The following GMDS variants were observed in gnomAD, a reference collection of about 807,000 sequenced individuals.
GMDS encodes GDP-mannose 4,6 dehydratase.
Under a neutral mutation model 49.9 loss-of-function variants are expected in GMDS, and 20 were observed. The observed-to-expected ratio is 0.40, with a 90% CI of 0.28 to 0.58. The LOEUF (loss-of-function observed/expected upper bound fraction) is 0.58. GMDS is among the 20% of genes least tolerant of loss of function. The pLI, the probability that GMDS is intolerant of heterozygous loss-of-function variation, is 0.42. For missense variants in GMDS, 362 were observed against 481.4 expected (o/e 0.75, Z 2.32); for synonymous variants, 177 against 178.6 (o/e 0.99, Z 0.07).
Position 1,670,475 on chromosome 6 carries a change from C to T in GMDS, c.988-45935G>A, listed in dbSNP as rs114371446. On this transcript the variant is annotated intron_variant, in intron 9 of 10. Coordinates refer to ENST00000380815, the MANE Select transcript of GMDS (RefSeq NM_001500.4). ...ATGTGGAATTTTGTGTTTTTGAGGA[C>T]TCATGAACGGTAACTAATGCTGAGT... Among the ~76,000 whole-genome samples the T allele has an allele frequency of 4.5e-3, 680 of 150,880 alleles. 4 individuals are homozygous for T. The highest frequency in any genetic ancestry group is 0.016 in the African/African-American group (639 of 41,028).
intron 9 of GMDS, among the ~76,000 whole-genome samples, chr6:1,668,951 C>T (rs994458077): frequency 2.6e-5 from 4 of 152,200 alleles, no homozygotes; most frequent in Admixed American, 6.5e-5. Flanking sequence ...GAGACTTTTA[C>T]ACTGAACTTG....
At chr6:1,934,744 G>C (rs1257892139) in intron 6 of GMDS, among the ~76,000 whole-genome samples, 1 of 151,882 alleles carries the variant, frequency 6.6e-6, no homozygotes, top group Non-Finnish European at 1.5e-5. Flanking sequence ...GGCTTAAAAT[G>C]ATTTTTTTTT....
At chr6:1,657,509 A>AT (rs1276636086) in intron 9 of GMDS, among the ~76,000 whole-genome samples, 2 of 152,196 alleles carry the variant, frequency 1.3e-5, no homozygotes, top group African/African-American at 2.4e-5. Context: ...TTTCTGTATT[A>AT]TTTTACAGCA....
intron 9 of GMDS, among the ~76,000 whole-genome samples, chr6:1,637,515 C>T (rs1763197841): frequency 6.6e-6 from 1 of 152,254 alleles, no homozygotes; most frequent in Non-Finnish European, 1.5e-5. Flanking sequence ...TCTCTCGTGG[C>T]TATAAAGCGG....
intron 1 of GMDS, among the ~76,000 whole-genome samples, chr6:2,152,767 A>G (rs1776904599): frequency 6.6e-6 from 1 of 152,192 alleles, no homozygotes; most frequent in Non-Finnish European, 1.5e-5. Flanking sequence ...TAAATATGCA[A>G]GGATAACCTA....
chr6:1,902,701 G>A (rs1760556978), intron 7 of GMDS, among the ~76,000 whole-genome samples: 1 of 152,084 alleles, frequency 6.6e-6, no homozygotes, highest in Non-Finnish European at 1.5e-5. Flanking sequence ...AAAGGCCAGT[G>A]GACTTCTAAA....
intron 8 of GMDS, among the ~76,000 whole-genome samples, chr6:1,737,891 C>T (rs936794736): frequency 1.3e-4 from 18 of 140,612 alleles, no homozygotes; most frequent in Non-Finnish European, 2.3e-4. Context: ...ACACGCAACC[C>T]CACACACATA....
intron 1 of GMDS, among the ~76,000 whole-genome samples, chr6:2,146,983 A>T (rs1337829586): frequency 6.6e-6 from 1 of 152,208 alleles, no homozygotes; most frequent in Non-Finnish European, 1.5e-5. Context: ...AGAACGGTGC[A>T]TCCCAAGGGT....
At chr6:2,096,933 A>G (rs971817542) in intron 4 of GMDS, among the ~76,000 whole-genome samples, 6 of 152,182 alleles carry the variant, frequency 3.9e-5, no homozygotes, top group African/African-American at 1.4e-4. Flanking sequence ...TTTTATATAT[A>G]AAAATGCCCA....
At chr6:1,791,847 T>C (rs1041728353) in intron 7 of GMDS, among the ~76,000 whole-genome samples, 2 of 152,154 alleles carry the variant, frequency 1.3e-5, no homozygotes. Context: ...AAATAGCATA[T>C]ATAAGTAATA....
chr6:1,768,412 C>A (rs1467107070), intron 7 of GMDS, among the ~76,000 whole-genome samples: 1 of 152,212 alleles, frequency 6.6e-6, no homozygotes, highest in Non-Finnish European at 1.5e-5. Context: ...AAAAAGGGAT[C>A]AATATTGCCA....
chr6:2,172,671 G>A (rs1161611350), intron 1 of GMDS, among the ~76,000 whole-genome samples: 2 of 151,800 alleles, frequency 1.3e-5, no homozygotes, highest in Non-Finnish European at 2.9e-5. Context: ...CAGCCTGGGC[G>A]ACACAGTGAG....
intron 1 of GMDS, among the ~76,000 whole-genome samples, chr6:2,237,281 C>T (rs1415434526): frequency 2.0e-5 from 3 of 152,166 alleles, no homozygotes; most frequent in Non-Finnish European, 2.9e-5. Flanking sequence ...ACTAGCTTGC[C>T]AAAGACTAGG....
intron 1 of GMDS, among the ~76,000 whole-genome samples, chr6:2,228,368 T>C (rs1195401204): frequency 6.6e-6 from 1 of 152,200 alleles, no homozygotes; most frequent in East Asian, 1.9e-4. Flanking sequence ...TTTTCTTCAA[T>C]ATACACTCCA....
chr6:1,654,626 T>C (rs906446602), intron 9 of GMDS, among the ~76,000 whole-genome samples: 1 of 152,096 alleles, frequency 6.6e-6, no homozygotes, highest in Non-Finnish European at 1.5e-5. Context: ...GGGGTAGAGT[T>C]TTAGTTTTAG....
At position 1,658,153 on chromosome 6, in the gene GMDS, G is replaced by T. The variant is rs996759408; in HGVS notation, c.988-33613C>A. Among the ~76,000 whole-genome samples, 3 of 152,220 alleles carry T rather than the reference G, an allele frequency of 2.0e-5. No individual in the cohort carries two copies. In the South Asian group the frequency reaches 6.2e-4, roughly 32 times the overall value. On this transcript the variant is annotated intron_variant, in intron 9 of 10. Coordinates refer to ENST00000380815, the MANE Select transcript of GMDS (RefSeq NM_001500.4). ...TGAGGGTTATTTGCCTTCAATTTGG[G>T]TGGTCCATCGTGAGCTGCCTTTATA...
At chr6:2,245,155 C>T (rs1460462624) in intron 1 of GMDS, among the ~76,000 whole-genome samples, 166 bp downstream of exon 1, 2 of 152,260 alleles carry the variant, frequency 1.3e-5, no homozygotes, top group Admixed American at 1.3e-4. Flanking sequence ...CCACACGCAA[C>T]ACACTAACTG....
At chr6:1,681,485 A>G (rs1195959361) in intron 9 of GMDS, among the ~76,000 whole-genome samples, 1 of 152,206 alleles carries the variant, frequency 6.6e-6, no homozygotes, top group East Asian at 1.9e-4. Context: ...ATTCAGGACA[A>G]GATGGAAATC....
intron 7 of GMDS, among the ~76,000 whole-genome samples, chr6:1,803,791 G>A (rs1214288567): frequency 1.3e-5 from 2 of 152,098 alleles, no homozygotes; most frequent in African/African-American, 2.4e-5. Flanking sequence ...GAAAATATTT[G>A]GTTACACTGA....
Sources: allele counts gnomAD v4.1 joint callset (sites outside exome capture counted in the v4.1 genomes callset), GRCh38; gene constraint gnomAD v4.1.1; transcripts MANE v1.5; gene names NCBI Gene and HGNC (gene_info 2026-07-23, HGNC 2026-07-21).